Variants in IL7R observed in about 807,000 individuals in gnomAD.
The protein encoded by IL7R is interleukin-7 receptor subunit alpha.
Under a neutral mutation model 47.0 loss-of-function variants are expected in IL7R, and 38 were observed. The ratio of observed to expected loss-of-function variants is 0.81; its 90% CI spans 0.62 to 1.06. The LOEUF is 1.06. IL7R is among the 50% of genes least tolerant of loss of function. The pLI is 0.00. For missense variants in IL7R, 633 were observed against 534.8 expected, an observed-to-expected ratio of 1.18 and a Z score of -1.81; for synonymous variants, 221 against 199.8, an observed-to-expected ratio of 1.11 and a Z score of -0.89.
In IL7R at chr5:35,877,156, A is replaced by G. The variant is rs1228665831; in HGVS notation, c.*670A>G. The G allele has an allele frequency of 8.6e-6, 2 of 233,410 alleles. No individual in the cohort carries two copies. The highest frequency in any genetic ancestry group is 2.2e-5 in the African/African-American group (1 of 45,340). The allele number at this position is 233,410 out of a possible 1,614,324, so 14.5% of individuals were successfully genotyped here. A position where few individuals can be genotyped will look rare whatever the true frequency, so the allele number is the denominator to read the frequency against. ...ACGTCACTAGTAACAGGGTGTGCCTAGATAATTTATGATCCAAACTGAGTC... is the reference window on the plus strand; with the variant it reads ...ACGTCACTAGTAACAGGGTGTGCCTGGATAATTTATGATCCAAACTGAGTC... On this transcript the variant is annotated 3_prime_UTR_variant, in exon 8 of 8. Coordinates refer to ENST00000303115, the MANE Select transcript of IL7R (RefSeq NM_002185.5).
At chr5:35,874,568 G>A (rs1287874183) in intron 6 of IL7R, 26 bp downstream of exon 6, 4 of 1,488,476 alleles carry the variant, frequency 2.7e-6, no homozygotes, top group Middle Eastern at 1.7e-4. Context: ...TAATAAAGAG[G>A]GTGATTGTGT....
intron 1 of IL7R, among the ~76,000 whole-genome samples, chr5:35,859,171 C>T (rs1392103866): frequency 6.6e-6 from 1 of 152,154 alleles, no homozygotes; most frequent in African/African-American, 2.4e-5. Context: ...ATATTGTATG[C>T]TTTGCCAGAC....
At chr5:35,867,196 C>T (rs372080447) in intron 2 of IL7R, 110 bp from the exon 3 acceptor site, 5 of 961,882 alleles carry the variant, frequency 5.2e-6, no homozygotes, top group Non-Finnish European at 8.3e-6. Flanking sequence ...CACCCACATA[C>T]CTATGAACAG....
chr5:35,872,968 A>G (rs972758000), intron 4 of IL7R, among the ~76,000 whole-genome samples: 1 of 152,230 alleles, frequency 6.6e-6, no homozygotes, highest in African/African-American at 2.4e-5. Flanking sequence ...TATCAAATAA[A>G]TACAGATATA....
chr5:35,867,589 C>T (rs865849674), intron 3 of IL7R, 126 bp downstream of exon 3: 1 of 747,278 alleles, frequency 1.3e-6, no homozygotes, highest in South Asian at 1.5e-5. Context: ...ATAGCTAATT[C>T]CCTACTGTAA....
chr5:35,858,867 C>T (rs1759728328), intron 1 of IL7R, among the ~76,000 whole-genome samples: 1 of 152,140 alleles, frequency 6.6e-6, no homozygotes, highest in Non-Finnish European at 1.5e-5. Flanking sequence ...AGTTGCCTAC[C>T]TGACAGAGGA....
chr5:35,858,279 C>T (rs968420627), intron 1 of IL7R, among the ~76,000 whole-genome samples: 2 of 152,104 alleles, frequency 1.3e-5, no homozygotes, highest in African/African-American at 4.8e-5. Context: ...CACATGATTA[C>T]GTCAAAATAC....
In IL7R at chr5:35,867,323, T is replaced by C. The variant is rs200475138; in HGVS notation, c.239T>C (p.Val80Ala). Residue 80 changes from valine to alanine, a missense_variant, in exon 3 of 8, where the codon GTA becomes GCA. Physicochemically the swap from Val to Ala is moderately conservative, Grantham distance 64. Transcript: ENST00000303115. ...TCCTACAGTGGGGCCCTCGTGGAGG[T>C]AAAGTGCCTGAATTTCAGGAAACTA... Reference protein sequence around the residue: ...EFEICGALVEVKCLNFRKLQE... With the variant: ...EFEICGALVEAKCLNFRKLQE... 2.2e-4 allele frequency: 353 copies of C among 1,613,448 alleles called. 1 individual carries two copies. Among genetic ancestry groups the C allele is most frequent in the Non-Finnish European group, 1.0e-5 (12 of 1,179,696 alleles).
chr5:35,864,609 G>A (rs1324179105), intron 2 of IL7R, among the ~76,000 whole-genome samples: 2 of 152,044 alleles, frequency 1.3e-5, no homozygotes, highest in Non-Finnish European at 2.9e-5. Context: ...CATATACTTG[G>A]TCTTTTGCCT....
intron 4 of IL7R, 71 bp downstream of exon 4, chr5:35,871,284 A>C: frequency 7.7e-7 from 1 of 1,297,762 alleles, no homozygotes; most frequent in South Asian, 1.2e-5. Flanking sequence ...CTAGTAGTGC[A>C]TTTCCCCTGG....
At chr5:35,872,473 C>CA (rs11567755) in intron 4 of IL7R, among the ~76,000 whole-genome samples, 39,304 of 152,054 alleles carry the variant, frequency 0.26, 5,305 homozygotes, top group Middle Eastern at 0.31. Flanking sequence ...GCTGGGATTA[C>CA]AGGCATAAGC....
chr5:35,867,705 A>G lies in IL7R; in HGVS notation c.379+242A>G, dbSNP rs984772487. ...AAAGATAGTGTTTGTGCAAACCTACATGAAGTGGCTAACTGGAGCTGGGCT... is the reference window on the plus strand; with the variant it reads ...AAAGATAGTGTTTGTGCAAACCTACGTGAAGTGGCTAACTGGAGCTGGGCT... On this transcript the variant is annotated intron_variant, in intron 3 of 7. Coordinates refer to ENST00000303115, the MANE Select transcript of IL7R (RefSeq NM_002185.5). 4.9e-6 allele frequency: 3 copies of G among 611,164 alleles called. No homozygotes were observed. In the African/African-American group the frequency reaches 5.5e-5, roughly 11 times the overall value. 37.9% of individuals were successfully genotyped at this position (611,164 alleles called of 1,614,324 possible).
chr5:35,857,722 G>A (rs1759693478), intron 1 of IL7R, among the ~76,000 whole-genome samples: 1 of 151,966 alleles, frequency 6.6e-6, no homozygotes, highest in Non-Finnish European at 1.5e-5. Flanking sequence ...AATTCTTTTT[G>A]GGATCTAAAA....
intron 1 of IL7R, among the ~76,000 whole-genome samples, chr5:35,857,371 G>T (rs1460660876): frequency 6.6e-6 from 1 of 152,058 alleles, no homozygotes; most frequent in Non-Finnish European, 1.5e-5. Flanking sequence ...GACTGTACTT[G>T]TAGGAAAATG....
Position 35,874,549 on chromosome 5 carries a change from T to A in IL7R, c.800+7T>A. 1 of 1,577,322 alleles carries A rather than the reference T, an allele frequency of 6.3e-7. No individual in the cohort carries two copies. Among genetic ancestry groups the A allele is most frequent in the Non-Finnish European group, 8.7e-7 (1 of 1,146,370 alleles). ...GTGTGTTATGGAAAAAAAGGTGACC[T>A]TCTTCAACTAATAAAGAGGGTGATT... On this transcript the variant is annotated splice_region_variant and intron_variant, in intron 6 of 7. Transcript: ENST00000303115.
intron 7 of IL7R, 89 bp from the exon 8 acceptor site, chr5:35,875,894 A>C: frequency 7.1e-7 from 1 of 1,407,108 alleles, no homozygotes; most frequent in Non-Finnish European, 9.9e-7. Flanking sequence ...TCCCTGTCAG[A>C]AAACTCTATA....
At chr5:35,871,288 C>T in intron 4 of IL7R, 75 bp downstream of exon 4, 3 of 1,227,568 alleles carry the variant, frequency 2.4e-6, no homozygotes, top group Non-Finnish European at 3.5e-6. Context: ...TAGTGCATTT[C>T]CCCTGGGAGG....
intron 2 of IL7R, among the ~76,000 whole-genome samples, chr5:35,864,535 T>G (rs1759892570): frequency 6.6e-6 from 1 of 152,170 alleles, no homozygotes; most frequent in Non-Finnish European, 1.5e-5. Flanking sequence ...CGTTTGACTT[T>G]GGGATAGTAT....
rs1760261720 is a variant in IL7R at position 35,878,157 on chromosome 5, T to C, written c.*1671T>C. 2 of 233,310 alleles carry C rather than the reference T, an allele frequency of 8.6e-6. No homozygotes were observed. Among genetic ancestry groups the C allele is most frequent in the East Asian group, 6.0e-5 (1 of 16,582 alleles). 14.5% of individuals were successfully genotyped at this position (233,310 alleles called of 1,614,324 possible). A position where few individuals can be genotyped will look rare whatever the true frequency, so the allele number is the denominator to read the frequency against. ...TTAAAGGACTGGTAAGATCAGACCA[T>C]CTTATTCTTCAGGTGAATGTTTTAC... is the stretch of plus-strand genomic sequence containing the variant. On this transcript the variant is annotated 3_prime_UTR_variant, in exon 8 of 8. Transcript: ENST00000303115.
Sources: gnomAD v4.1 joint callset for allele counts (sites outside exome capture counted in the v4.1 genomes callset) on GRCh38, gnomAD v4.1.1 for gene constraint, MANE v1.5 for transcripts, NCBI Gene and HGNC (gene_info 2026-07-23, HGNC 2026-07-21) for gene names.